Variants in DLGAP2 observed in about 807,000 individuals in gnomAD.
DLGAP2 encodes disks large-associated protein 2.
A neutral mutation model predicts 100.3 loss-of-function variants in DLGAP2; 26 were observed. That is an observed-to-expected ratio of 0.26 (90% CI 0.19 to 0.36). The LOEUF is 0.36. DLGAP2 is among the 10% of genes least tolerant of loss of function. The pLI, the probability that DLGAP2 is intolerant of heterozygous loss-of-function variation, is 1.00. For synonymous variants in DLGAP2, 886 were observed against 630.1 expected (o/e 1.41, Z -6.08); for missense variants, 1,858 against 1,453.2 (o/e 1.28, Z -4.53).
At chr8:1,509,320 A>G (rs987240694) in intron 4 of DLGAP2, among the ~76,000 whole-genome samples, 1 of 111,260 alleles carries the variant, frequency 9.0e-6, no homozygotes, top group African/African-American at 3.4e-5. Context: ...ACAGAGCAAG[A>G]CTCCGTCCAA....
rs1258452258 is a variant in DLGAP2 at position 1,565,917 on chromosome 8, C to T, written c.1442+23C>T. The T allele has an allele frequency of 7.0e-6, 11 of 1,563,776 alleles. No homozygotes were observed. The East Asian group carries it at 2.6e-4, about 37-fold the overall frequency. The stretch of plus-strand genomic sequence containing the variant: ...GACGTAAGTGAGACCAGCTGCCTTC[C>T]CACTCCAAGCACTTTCCCACTGCCT... On this transcript the variant is annotated intron_variant, in intron 6 of 14. Coordinates refer to ENST00000637795, the MANE Select transcript of DLGAP2 (RefSeq NM_001346810.2).
intron 1 of DLGAP2, among the ~76,000 whole-genome samples, chr8:882,836 C>A (rs1203010202): frequency 6.6e-6 from 1 of 152,286 alleles, no homozygotes; most frequent in Non-Finnish European, 1.5e-5. Flanking sequence ...GCTTTCCTCT[C>A]CGTTCCCCTC....
intron 8 of DLGAP2, among the ~76,000 whole-genome samples, chr8:1,659,140 G>C (rs1236933162): frequency 6.6e-6 from 1 of 152,186 alleles, no homozygotes; most frequent in African/African-American, 2.4e-5. Context: ...TTTCCATGTA[G>C]TTGTGCGGTT....
At chr8:1,662,619 G>A (rs1798433966) in intron 8 of DLGAP2, among the ~76,000 whole-genome samples, 2 of 152,262 alleles carry the variant, frequency 1.3e-5, no homozygotes, top group South Asian at 2.1e-4. Context: ...CTTGTGGGCT[G>A]ATGTCAGGAA....
At chr8:1,536,853 C>T (rs548081585) in intron 4 of DLGAP2, among the ~76,000 whole-genome samples, 129 of 152,274 alleles carry the variant, frequency 8.5e-4, no homozygotes, top group Non-Finnish European at 1.6e-3. Context: ...CTGTAGGAGG[C>T]GCTGGCCAGG....
intron 3 of DLGAP2, among the ~76,000 whole-genome samples, chr8:1,431,664 C>A (rs971661120): frequency 2.6e-5 from 4 of 152,228 alleles, no homozygotes; most frequent in African/African-American, 9.6e-5. Context: ...CTTGTCCTTC[C>A]AGTGTAGCTT....
intron 3 of DLGAP2, among the ~76,000 whole-genome samples, chr8:1,383,769 A>G (rs144974216): frequency 6.6e-6 from 1 of 152,320 alleles, no homozygotes; most frequent in Non-Finnish European, 1.5e-5. Context: ...GACATTAACA[A>G]GAAGCATGAA....
intron 2 of DLGAP2, among the ~76,000 whole-genome samples, chr8:1,250,788 A>C (rs1397850578): frequency 1.3e-5 from 2 of 152,196 alleles, no homozygotes; most frequent in African/African-American, 4.8e-5. Context: ...ACTGTCCTAC[A>C]CACGATTTAT....
chr8:1,495,217 C>T (rs1448321165), intron 3 of DLGAP2, among the ~76,000 whole-genome samples: 1 of 152,188 alleles, frequency 6.6e-6, no homozygotes, highest in Non-Finnish European at 1.5e-5. Flanking sequence ...GGTGGCCGTG[C>T]TGGGTCTGAA....
chr8:1,578,251 T>C (rs1213065807), intron 6 of DLGAP2, among the ~76,000 whole-genome samples: 1 of 152,208 alleles, frequency 6.6e-6, no homozygotes, highest in African/African-American at 2.4e-5. Flanking sequence ...TTGGTGTACA[T>C]GAACAACTTC....
intron 2 of DLGAP2, among the ~76,000 whole-genome samples, chr8:1,235,218 T>C (rs1798622439): frequency 9.0e-6 from 1 of 111,192 alleles, no homozygotes; most frequent in African/African-American, 3.3e-5. Context: ...TCTAGTTCTC[T>C]CACACATGGC....
intron 3 of DLGAP2, among the ~76,000 whole-genome samples, chr8:1,413,761 G>T (rs915582886): frequency 6.6e-6 from 1 of 152,238 alleles, no homozygotes; most frequent in Non-Finnish European, 1.5e-5. Context: ...ATGACAGGAT[G>T]ATGGGGTTAG....
intron 2 of DLGAP2, among the ~76,000 whole-genome samples, chr8:1,077,596 A>G (rs1803663252): frequency 1.3e-5 from 2 of 152,286 alleles, no homozygotes; most frequent in East Asian, 1.9e-4. Context: ...GAGATGGTGT[A>G]TGCTCGGGAT....
At chr8:1,162,077 C>G (rs980481235) in intron 2 of DLGAP2, among the ~76,000 whole-genome samples, 3 of 152,216 alleles carry the variant, frequency 2.0e-5, no homozygotes, top group African/African-American at 7.2e-5. Context: ...GAAGTTCCAG[C>G]TGATTCTTAT....
At chr8:783,878 C>A (rs1029549041) in intron 1 of DLGAP2, among the ~76,000 whole-genome samples, 1 of 152,138 alleles carries the variant, frequency 6.6e-6, no homozygotes, top group Non-Finnish European at 1.5e-5. Context: ...TTTTTAGTTT[C>A]CCATTTCTTG....
rs1799690491 is a variant in DLGAP2 at position 1,705,805 on chromosome 8, G to C, written c.*4399G>C. The C allele has an allele frequency of 1.3e-5, 2 of 152,118 alleles. No homozygotes were observed. Among genetic ancestry groups the C allele is most frequent in the South Asian group, 4.1e-4 (2 of 4,826 alleles). 9.4% of individuals were successfully genotyped at this position (152,118 alleles called of 1,614,324 possible). A position where few individuals can be genotyped will look rare whatever the true frequency, so the allele number is the denominator to read the frequency against. On this transcript the variant is annotated 3_prime_UTR_variant, in exon 15 of 15. Coordinates refer to ENST00000637795, the MANE Select transcript of DLGAP2 (RefSeq NM_001346810.2). ...CCTGGGAATGTTCCAGGGTTCTCTTGTTTTGATCTGCATGTCTGTTTACAC... is the reference window on the plus strand; with the variant it reads ...CCTGGGAATGTTCCAGGGTTCTCTTCTTTTGATCTGCATGTCTGTTTACAC...
chr8:1,641,875 A>ACCCCGCCGGTCCTC (rs1797909282), intron 8 of DLGAP2, among the ~76,000 whole-genome samples: 1 of 150,620 alleles, frequency 6.6e-6, no homozygotes, highest in Non-Finnish European at 1.5e-5. Context: ...ATACCCCTCG[A>ACCCCGCCGGTCCTC]ACCCGCCGGT....
intron 4 of DLGAP2, among the ~76,000 whole-genome samples, chr8:1,523,338 A>C (rs1800674996): frequency 1.3e-5 from 2 of 152,202 alleles, no homozygotes; most frequent in Admixed American, 6.5e-5. Context: ...TCACGGGGTC[A>C]CCGTCCCACT....
At chr8:1,533,326 G>A (rs993371993) in intron 4 of DLGAP2, among the ~76,000 whole-genome samples, 4 of 151,866 alleles carry the variant, frequency 2.6e-5, no homozygotes, top group Middle Eastern at 3.4e-3. Flanking sequence ...GTGAAACCCC[G>A]TCTCTACTAA....
Sources: allele counts gnomAD v4.1 joint callset (sites outside exome capture counted in the v4.1 genomes callset), GRCh38; gene constraint gnomAD v4.1.1; transcripts MANE v1.5; gene names NCBI Gene and HGNC (gene_info 2026-07-23, HGNC 2026-07-21).